The following INPP4B variants were observed in gnomAD, a reference collection of about 807,000 sequenced individuals.
INPP4B encodes inositol polyphosphate 4-phosphatase type II.
INPP4B carries 55 observed loss-of-function variants against 122.5 expected under a neutral mutation model. The ratio of observed to expected loss-of-function variants is 0.45; its 90% CI spans 0.36 to 0.56. The LOEUF (loss-of-function observed/expected upper bound fraction) is 0.56, where lower values mean the gene tolerates loss of function less well. Among genes scored for constraint, INPP4B ranks in the 20% least tolerant of loss-of-function variants. The pLI, the probability that INPP4B is intolerant of heterozygous loss-of-function variation, is 0.00. For missense variants in INPP4B, 1,000 were observed against 1,097.7 expected (o/e 0.91, Z 1.26); for synonymous variants, 403 against 388.7 (o/e 1.04, Z -0.43).
At chr4:142,736,122 C>T (rs529879080) in intron 1 of INPP4B, among the ~76,000 whole-genome samples, 29 of 152,212 alleles carry the variant, frequency 1.9e-4, no homozygotes, top group Admixed American at 1.6e-3. Context: ...ACCTAGAGTT[C>T]GTTAGAAATA....
chr4:142,464,438 A>G lies in INPP4B; in HGVS notation c.-190-1712T>C, dbSNP rs555277113. Among the ~76,000 whole-genome samples the G allele has an allele frequency of 1.2e-4, 18 of 152,228 alleles. No individual in the cohort carries two copies. The South Asian group carries it at 3.5e-3, about 30-fold the overall frequency. ...ATAAAATTTTCTCATTCATATTATCATATGTCTCTCATCATTCTGTATTGT... is the reference window on the plus strand; with the variant it reads ...ATAAAATTTTCTCATTCATATTATCGTATGTCTCTCATCATTCTGTATTGT... On this transcript the variant is annotated intron_variant, in intron 2 of 25. Transcript: ENST00000262992.
At chr4:142,093,313 T>C (rs993901598) in intron 23 of INPP4B, among the ~76,000 whole-genome samples, 14 of 152,152 alleles carry the variant, frequency 9.2e-5, no homozygotes, top group African/African-American at 3.4e-4. Flanking sequence ...ATGGACATCA[T>C]GGAGCAGAGA....
chr4:142,217,347 C>G (rs1032984734), intron 12 of INPP4B, among the ~76,000 whole-genome samples: 1 of 152,120 alleles, frequency 6.6e-6, no homozygotes, highest in African/African-American at 2.4e-5. Context: ...TTTGTCCAAC[C>G]GCAGTCTCCT....
intron 2 of INPP4B, among the ~76,000 whole-genome samples, chr4:142,628,361 T>G (rs913800773): frequency 7.3e-6 from 1 of 137,100 alleles, no homozygotes; most frequent in Non-Finnish European, 1.5e-5. Context: ...AACTGAACAA[T>G]GAGATCACAT....
chr4:142,508,514 G>A (rs1241934589), intron 2 of INPP4B, among the ~76,000 whole-genome samples: 3 of 152,078 alleles, frequency 2.0e-5, no homozygotes, highest in Non-Finnish European at 4.4e-5. Flanking sequence ...ACCTTGAGTG[G>A]TCTGCCCCCT....
intron 2 of INPP4B, among the ~76,000 whole-genome samples, chr4:142,719,670 A>G (rs1225662021): frequency 6.6e-6 from 1 of 152,066 alleles, no homozygotes; most frequent in East Asian, 1.9e-4. Flanking sequence ...ACTTTTACTA[A>G]TTCTTAAAAA....
intron 6 of INPP4B, among the ~76,000 whole-genome samples, chr4:142,404,261 T>C (rs1369652556): frequency 6.6e-6 from 1 of 152,196 alleles, no homozygotes; most frequent in Non-Finnish European, 1.5e-5. Context: ...TCTGAATCAT[T>C]TATTCCACCA....
chr4:142,258,969 G>T lies in INPP4B; in HGVS notation c.688+1523C>A, dbSNP rs530396043. ...GGAACCAACCCAAATGTCCAACAGT[G>T]ATAGACTGGATTAAGAAAATGTGGC... On this transcript the variant is annotated intron_variant, in intron 11 of 25. Coordinates refer to ENST00000262992, the MANE Select transcript of INPP4B (RefSeq NM_001101669.3). 4.6e-3 allele frequency among the ~76,000 whole-genome samples: 697 copies of T among 152,128 alleles called. 5 individuals carry two copies. The highest frequency in any genetic ancestry group is 0.016 in the African/African-American group (659 of 41,474).
intron 18 of INPP4B, among the ~76,000 whole-genome samples, chr4:142,130,001 C>A (rs1800515819): frequency 6.6e-6 from 1 of 152,134 alleles, no homozygotes; most frequent in Non-Finnish European, 1.5e-5. Context: ...CAAAGGAATA[C>A]CTACAGTATA....
intron 1 of INPP4B, among the ~76,000 whole-genome samples, chr4:142,780,881 A>G (rs1774701343): frequency 6.6e-6 from 1 of 152,188 alleles, no homozygotes; most frequent in African/African-American, 2.4e-5. Context: ...TACTTCTCAT[A>G]AAGGTGTCAG....
chr4:142,231,803 C>T (rs932497240), intron 12 of INPP4B, among the ~76,000 whole-genome samples: 1 of 152,056 alleles, frequency 6.6e-6, no homozygotes, highest in Admixed American at 6.6e-5. Flanking sequence ...GTTTATTCAT[C>T]AGCTTATACA....
chr4:142,300,430 G>A (rs746284905), intron 9 of INPP4B, among the ~76,000 whole-genome samples: 5 of 152,096 alleles, frequency 3.3e-5, no homozygotes, highest in Non-Finnish European at 5.9e-5. Flanking sequence ...ACTGAACTTT[G>A]TGTATGTTCA....
intron 1 of INPP4B, among the ~76,000 whole-genome samples, chr4:142,817,209 C>T (rs1185611566): frequency 1.3e-5 from 2 of 152,060 alleles, no homozygotes; most frequent in African/African-American, 4.8e-5. Context: ...GTTCTTATAC[C>T]TTGTATTGCA....
At chr4:142,786,396 A>G (rs770576565) in intron 1 of INPP4B, among the ~76,000 whole-genome samples, 2 of 152,214 alleles carry the variant, frequency 1.3e-5, no homozygotes, top group Non-Finnish European at 1.5e-5. Context: ...AACCCAAAGC[A>G]TAAAATAATT....
At chr4:142,601,949 A>G (rs528940850) in intron 2 of INPP4B, among the ~76,000 whole-genome samples, 170 of 124,214 alleles carry the variant, frequency 1.4e-3, no homozygotes, top group African/African-American at 4.8e-3. Flanking sequence ...AGCGTGGGTG[A>G]CAGAGCAAGA....
chr4:142,509,909 C>T (rs544204415), intron 2 of INPP4B, among the ~76,000 whole-genome samples: 3 of 152,000 alleles, frequency 2.0e-5, no homozygotes, highest in Non-Finnish European at 4.4e-5. Context: ...TCATACAAAG[C>T]AACATTAAGA....
At chr4:142,749,393 G>A (rs1312700788) in intron 1 of INPP4B, among the ~76,000 whole-genome samples, 1 of 149,234 alleles carries the variant, frequency 6.7e-6, no homozygotes, top group Admixed American at 6.8e-5. Flanking sequence ...CTTCAAAAAA[G>A]TAACCAAGTA....
At chr4:142,438,212 C>A (rs978902641) in intron 3 of INPP4B, among the ~76,000 whole-genome samples, 3 of 152,008 alleles carry the variant, frequency 2.0e-5, no homozygotes, top group African/African-American at 7.2e-5. Context: ...CTTTAAAATT[C>A]ATATGGAACC....
intron 2 of INPP4B, among the ~76,000 whole-genome samples, chr4:142,558,793 TAAAAAAAAAAAAAAA>T (rs34151070): frequency 4.8e-4 from 36 of 75,546 alleles, no homozygotes; most frequent in Admixed American, 6.1e-4. Flanking sequence ...AGACTCCCTC[TAAAAAAAAAAAAAAA>T]AAAAAAAAAA....
Sources: gnomAD v4.1 joint callset for allele counts (sites outside exome capture counted in the v4.1 genomes callset) on GRCh38, gnomAD v4.1.1 for gene constraint, MANE v1.5 for transcripts, NCBI Gene and HGNC (gene_info 2026-07-23, HGNC 2026-07-21) for gene names.